The following VWA3B variants were observed in gnomAD, a reference collection of about 807,000 sequenced individuals.
The protein encoded by VWA3B is von Willebrand factor A domain-containing protein 3B.
In VWA3B, 138 loss-of-function variants were observed where a neutral mutation model predicts 158.3. That is an observed-to-expected ratio of 0.87 (90% CI 0.76 to 1.00). VWA3B has a LOEUF of 1.00. Ranked by LOEUF, VWA3B falls within the 50% of genes least tolerant of loss-of-function variation. VWA3B has a pLI of 0.00. For synonymous variants in VWA3B, 596 were observed against 587.3 expected (o/e 1.01, Z -0.21); for missense variants, 1,555 against 1,565.1 (o/e 0.99, Z 0.11).
intron 25 of VWA3B, among the ~76,000 whole-genome samples, chr2:98,301,065 C>T (rs1385624551): frequency 1.3e-5 from 2 of 152,048 alleles, no homozygotes. Flanking sequence ...CTGAGGTGGA[C>T]AGATCACAAG....
At chr2:98,221,521 T>G (rs893665133) in intron 14 of VWA3B, among the ~76,000 whole-genome samples, 2 of 152,018 alleles carry the variant, frequency 1.3e-5, no homozygotes, top group Non-Finnish European at 2.9e-5. Context: ...CCCTGCCGAG[T>G]GGAATAGTAG....
chr2:98,092,464 G>A (rs1469818520), intron 1 of VWA3B, among the ~76,000 whole-genome samples: 1 of 152,108 alleles, frequency 6.6e-6, no homozygotes, highest in African/African-American at 2.4e-5. Context: ...CCAACATGGT[G>A]AAACCCCATT....
At chr2:98,209,589 G>A (rs1306418634) in intron 12 of VWA3B, among the ~76,000 whole-genome samples, 2 of 152,016 alleles carry the variant, frequency 1.3e-5, no homozygotes, top group Non-Finnish European at 2.9e-5. Context: ...CAAAATTTGG[G>A]GTTTTTTTCA....
chr2:98,183,981 CT>C (rs377556297), intron 9 of VWA3B, among the ~76,000 whole-genome samples: 1 of 152,226 alleles, frequency 6.6e-6, no homozygotes, highest in African/African-American at 2.4e-5. Context: ...CGCTTCTATG[CT>C]TTATATTCAA....
rs773325663 is a variant in VWA3B at position 98,125,903 on chromosome 2, A to T, written c.703-2336A>T. On this transcript the variant is annotated intron_variant, in intron 5 of 27. Coordinates refer to ENST00000477737, the MANE Select transcript of VWA3B (RefSeq NM_144992.5). The surrounding 1 kb of genome is among the most constrained non-coding windows in gnomAD (Gnocchi z 4.1). ...ATGGTCTCGATCTCCCGACCTCGTG[A>T]TCTGCTCGCCTCAGCCTCCCAAAGT... 1.2e-4 allele frequency among the ~76,000 whole-genome samples: 19 copies of T among 152,106 alleles called. 1 individual carries two copies. Among genetic ancestry groups the T allele is most frequent in the Non-Finnish European group, 2.5e-4 (17 of 68,028 alleles).
At chr2:98,322,926 C>A in the VWA3B span, among the ~76,000 whole-genome samples, 1 of 152,060 alleles carries the variant, frequency 6.6e-6, no homozygotes, top group African/African-American at 2.4e-5. Context: ...TGAGTCCAGG[C>A]AAGTTGACTG....
chr2:98,090,142 T>C (rs1257128760), intron 1 of VWA3B, among the ~76,000 whole-genome samples: 1 of 152,224 alleles, frequency 6.6e-6, no homozygotes, highest in Non-Finnish European at 1.5e-5. Flanking sequence ...GAAAAAAGTT[T>C]CTTCTGAGCT....
chr2:98,306,201 C>A (rs962544918), intron 26 of VWA3B, among the ~76,000 whole-genome samples: 1 of 151,982 alleles, frequency 6.6e-6, no homozygotes, highest in African/African-American at 2.4e-5. Context: ...CCTAGCCCCC[C>A]CAGGTAGTGA....
intron 2 of VWA3B, among the ~76,000 whole-genome samples, chr2:98,110,611 G>A (rs1674065205): frequency 6.6e-6 from 1 of 152,140 alleles, no homozygotes; most frequent in Admixed American, 6.5e-5. Flanking sequence ...TTTGGATTTA[G>A]GTGTACAAGT....
chr2:98,212,989 G>A (rs1367313896), intron 13 of VWA3B, among the ~76,000 whole-genome samples: 1 of 152,098 alleles, frequency 6.6e-6, no homozygotes, highest in Non-Finnish European at 1.5e-5. Context: ...AATACAACAC[G>A]GGAACAGGGT....
chr2:98,245,020 A>G (rs906589264), intron 19 of VWA3B, among the ~76,000 whole-genome samples: 2 of 152,000 alleles, frequency 1.3e-5, no homozygotes, highest in Admixed American at 6.6e-5. Flanking sequence ...CTACCTCTCT[A>G]CTAGTCACAA....
At chr2:98,266,328 T>C (rs1687825456) in intron 21 of VWA3B, among the ~76,000 whole-genome samples, 1 of 151,368 alleles carries the variant, frequency 6.6e-6, no homozygotes, top group Admixed American at 6.6e-5. Flanking sequence ...CTTGTTTTTC[T>C]CAGGTTTGTC....
intron 22 of VWA3B, among the ~76,000 whole-genome samples, chr2:98,273,612 T>C (rs1688343397): frequency 6.6e-6 from 1 of 152,190 alleles, no homozygotes; most frequent in Non-Finnish European, 1.5e-5. Flanking sequence ...CTTTTCCCTG[T>C]CTGCTTGCTC....
Position 98,188,131 on chromosome 2 carries a change from T to G in VWA3B, c.1466+2T>G. The G allele has an allele frequency of 6.2e-7, 1 of 1,607,274 alleles. No homozygotes were observed. Among genetic ancestry groups the G allele is most frequent in the Non-Finnish European group, 8.5e-7 (1 of 1,176,624 alleles). On this transcript the variant is annotated splice_donor_variant, in intron 10 of 27. Coordinates refer to ENST00000477737, the MANE Select transcript of VWA3B (RefSeq NM_144992.5). LOFTEE classifies it high-confidence loss of function. ...AGCCCTGGCCCGGATCCGAAGGAGGTTGGTGTTATTTGCAGGAAGTTACAA... is the reference window on the plus strand; with the variant it reads ...AGCCCTGGCCCGGATCCGAAGGAGGGTGGTGTTATTTGCAGGAAGTTACAA...
intron 12 of VWA3B, among the ~76,000 whole-genome samples, chr2:98,203,030 T>C (rs892274723): frequency 1.3e-5 from 2 of 152,024 alleles, no homozygotes; most frequent in African/African-American, 4.8e-5. Context: ...ACGGGGTTTC[T>C]CCATGTTGGC....
Position 98,121,412 on chromosome 2 carries a change from A to T in VWA3B, c.656A>T (p.Glu219Val), listed in dbSNP as rs769119995. ...EKLTVELTVS[E>V]AGRLDALLEA... is the part of the protein sequence containing the mutation. ...CTGACGGTTGAGCTGACTGTGAGCG[A>T]GGCTGGCCGCCTGGATGCTCTGCTG... is the stretch of plus-strand genomic sequence containing the variant. Residue 219 changes from glutamate (E) to valine (V), a missense_variant, in exon 5 of 28, where the codon GAG becomes GTG. Transcript: ENST00000477737. 26 of 1,614,190 alleles carry T rather than the reference A, an allele frequency of 1.6e-5. No homozygotes were observed. Among genetic ancestry groups the T allele is most frequent in the Non-Finnish European group, 2.2e-5 (26 of 1,180,038 alleles).
At position 98,142,284 on chromosome 2, in the gene VWA3B, TC is replaced by T. The variant is rs565304049; in HGVS notation, c.988+8351del. 1.4e-3 allele frequency among the ~76,000 whole-genome samples: 210 copies of T among 152,096 alleles called. 1 individual carries two copies. The highest frequency in any genetic ancestry group is 2.1e-3 in the Non-Finnish European group (143 of 67,980). ...TAGACCCTGCCCCGCCTCCCTGGATTCCCCCCATGCAGGCTTCCTCCCAGGG... is the reference window on the plus strand; with the variant it reads ...TAGACCCTGCCCCGCCTCCCTGGATTCCCCCATGCAGGCTTCCTCCCAGGG... On this transcript the variant is annotated intron_variant, in intron 7 of 27. Coordinates refer to ENST00000477737, the MANE Select transcript of VWA3B (RefSeq NM_144992.5).
intron 8 of VWA3B, among the ~76,000 whole-genome samples, chr2:98,167,873 G>T (rs1679223829): frequency 6.6e-6 from 1 of 152,176 alleles, no homozygotes; most frequent in Non-Finnish European, 1.5e-5. Context: ...GAAAGGTCTT[G>T]CCTCAGTCAT....
intron 15 of VWA3B, among the ~76,000 whole-genome samples, chr2:98,228,692 C>T (rs915084154): frequency 3.9e-5 from 6 of 152,070 alleles, no homozygotes; most frequent in South Asian, 2.1e-4. Context: ...TGGCGAGGCC[C>T]GAACTTCTCT....
Sources: gnomAD v4.1 joint callset for allele counts (sites outside exome capture counted in the v4.1 genomes callset) on GRCh38, gnomAD v4.1.1 for gene constraint, Gnocchi (gnomAD v3.1) non-coding constraint, MANE v1.5 for transcripts, NCBI Gene and HGNC (gene_info 2026-07-23, HGNC 2026-07-21) for gene names.